The following CNTN3 variants were observed in gnomAD, a reference collection of about 807,000 sequenced individuals.
CNTN3 encodes contactin-3.
Under a neutral mutation model 119.1 loss-of-function variants are expected in CNTN3, and 60 were observed. The ratio of observed to expected loss-of-function variants is 0.50; its 90% CI spans 0.41 to 0.62. The LOEUF (loss-of-function observed/expected upper bound fraction) is 0.62. Among genes scored for constraint, CNTN3 ranks in the 20% least tolerant of loss-of-function variants. CNTN3 has a pLI of 0.00. For synonymous variants in CNTN3, 450 were observed against 438.7 expected (o/e 1.03, Z -0.32); for missense variants, 1,101 against 1,242.4 (o/e 0.89, Z 1.71).
intron 20 of CNTN3, among the ~76,000 whole-genome samples, chr3:74,277,092 G>C (rs1701897659): frequency 6.6e-6 from 1 of 152,094 alleles, no homozygotes; most frequent in African/African-American, 2.4e-5. Context: ...GGAAGAATTA[G>C]ATACCCTGAA....
chr3:74,418,718 C>T (rs1186674565), intron 5 of CNTN3, among the ~76,000 whole-genome samples: 1 of 151,960 alleles, frequency 6.6e-6, no homozygotes, highest in Non-Finnish European at 1.5e-5. Context: ...TTGACACTAC[C>T]TATACATACA....
At chr3:74,469,107 A>C (rs994730923) in intron 4 of CNTN3, among the ~76,000 whole-genome samples, 2 of 152,198 alleles carry the variant, frequency 1.3e-5, no homozygotes, top group African/African-American at 4.8e-5. Flanking sequence ...TAATCTTAGA[A>C]TCACAGAAGG....
chr3:74,388,520 T>C (rs1704814804), intron 5 of CNTN3, among the ~76,000 whole-genome samples: 1 of 152,056 alleles, frequency 6.6e-6, no homozygotes, highest in African/African-American at 2.4e-5. Flanking sequence ...GCTCTTAAAA[T>C]CCAGTAATAG....
At chr3:74,376,649 A>G (rs114563877) in intron 5 of CNTN3, among the ~76,000 whole-genome samples, 1,938 of 152,264 alleles carry the variant, frequency 0.013, 37 homozygotes, top group African/African-American at 0.041. Flanking sequence ...AAAGTACACC[A>G]TAGATAAATG....
At chr3:74,391,691 G>A (rs750669306) in intron 5 of CNTN3, among the ~76,000 whole-genome samples, 15 of 150,874 alleles carry the variant, frequency 9.9e-5, no homozygotes, top group Non-Finnish European at 1.8e-4. Flanking sequence ...CTCAGCCTCC[G>A]GAGTAGCTGG....
Position 74,468,878 on chromosome 3 carries a change from C to T in CNTN3, c.358+17578G>A, listed in dbSNP as rs543623574. ...CATTATTTTCCAAACTGAATTACATCGTTTTACAAAAATAGGTTCCAAGCC... is the reference window on the plus strand; with the variant it reads ...CATTATTTTCCAAACTGAATTACATTGTTTTACAAAAATAGGTTCCAAGCC... On this transcript the variant is annotated intron_variant, in intron 4 of 22. Transcript: ENST00000263665. Among the ~76,000 whole-genome samples, 11 of 152,090 alleles carry T rather than the reference C, an allele frequency of 7.2e-5. No individual in the cohort carries two copies. The South Asian group carries it at 2.1e-3, about 29-fold the overall frequency.
At chr3:74,565,269 G>T (rs184607057) in intron 1 of CNTN3, among the ~76,000 whole-genome samples, 20 of 152,240 alleles carry the variant, frequency 1.3e-4, no homozygotes, top group Non-Finnish European at 1.5e-5. Context: ...GGCTCTAAGG[G>T]AAAATCTGTT....
At chr3:74,501,562 C>A (rs1455982787) in intron 2 of CNTN3, among the ~76,000 whole-genome samples, 1 of 151,976 alleles carries the variant, frequency 6.6e-6, no homozygotes, top group Non-Finnish European at 1.5e-5. Context: ...GTCCTTTTAG[C>A]AAATTATCAA....
chr3:74,370,977 C>T (rs1313909325), intron 6 of CNTN3, among the ~76,000 whole-genome samples: 1 of 152,068 alleles, frequency 6.6e-6, no homozygotes, highest in Non-Finnish European at 1.5e-5. Flanking sequence ...TTACTTTGCA[C>T]TGGTCCCTGC....
intron 3 of CNTN3, among the ~76,000 whole-genome samples, chr3:74,493,183 A>T (rs1702999725): frequency 6.6e-6 from 1 of 152,120 alleles, no homozygotes; most frequent in Non-Finnish European, 1.5e-5. Context: ...AGCATATGGA[A>T]TAACAATAAT....
chr3:74,419,030 C>T (rs1365366234), intron 5 of CNTN3, among the ~76,000 whole-genome samples: 1 of 151,704 alleles, frequency 6.6e-6, no homozygotes, highest in Non-Finnish European at 1.5e-5. Context: ...CTCCTGAGTT[C>T]AGGCAATCCA....
intron 5 of CNTN3, among the ~76,000 whole-genome samples, chr3:74,392,680 C>T (rs1439128533): frequency 6.6e-6 from 1 of 152,110 alleles, no homozygotes; most frequent in Admixed American, 6.5e-5. Flanking sequence ...AATGAACACA[C>T]ACAAACATAT....
rs1280500174 is a variant in CNTN3, at chr3:74,266,668, TAC to T, written c.2818-21_2818-20del. On this transcript the variant is annotated intron_variant, in intron 21 of 22. Coordinates refer to ENST00000263665, the MANE Select transcript of CNTN3 (RefSeq NM_020872.3). ...AGAAAACCTAAAATGCATGAACAAATACACTTACTTGTTATATTGCCCATTTT... is the reference window on the plus strand; with the variant it reads ...AGAAAACCTAAAATGCATGAACAAATACTTACTTGTTATATTGCCCATTTT... 30 of 1,609,548 alleles carry T rather than the reference TAC, an allele frequency of 1.9e-5. No individual in the cohort carries two copies. The highest frequency in any genetic ancestry group is 2.4e-5 in the Non-Finnish European group (28 of 1,176,866).
rs934745341 is a variant in CNTN3, at chr3:74,601,676, G to A, written c.-81+12715C>T. On this transcript the variant is annotated intron_variant, in intron 1 of 22. Transcript: ENST00000263665. Reference sequence around the variant, plus strand: ...CACCCTTTTTTGTATTTATGCTTTCGGTCATGTGACACTGCAGTTCCTCCC... The same window carrying A: ...CACCCTTTTTTGTATTTATGCTTTCAGTCATGTGACACTGCAGTTCCTCCC... Among the ~76,000 whole-genome samples the A allele has an allele frequency of 3.0e-4, 45 of 152,036 alleles. 1 individual carries two copies. The highest frequency in any genetic ancestry group is 1.1e-3 in the Admixed American group (17 of 15,256).
Position 74,377,277 on chromosome 3 carries a change from T to G in CNTN3, c.455-5878A>C, listed in dbSNP as rs1300593049. ...AAGAGCTGCACTAACTTTTCATTTA[T>G]TGCCTCTATGACTATGTTTATATAT... is the stretch of plus-strand genomic sequence containing the variant. On this transcript the variant is annotated intron_variant, in intron 5 of 22. Transcript: ENST00000263665. 3.3e-5 allele frequency among the ~76,000 whole-genome samples: 5 copies of G among 152,228 alleles called. No individual in the cohort carries two copies. The East Asian group carries it at 5.8e-4, about 18-fold the overall frequency.
chr3:74,488,314 C>T (rs977270857), intron 3 of CNTN3, among the ~76,000 whole-genome samples: 7 of 151,878 alleles, frequency 4.6e-5, no homozygotes, highest in Non-Finnish European at 7.4e-5. Context: ...AGGGTTTCAC[C>T]GTGTTAGCCA....
intron 1 of CNTN3, among the ~76,000 whole-genome samples, chr3:74,576,748 A>G (rs779551527): frequency 2.0e-5 from 3 of 151,672 alleles, no homozygotes; most frequent in Non-Finnish European, 4.4e-5. Context: ...TTTTTTTTCT[A>G]TTTAGAAATG....
rs533165875 is a variant in CNTN3 at position 74,320,966 on chromosome 3, G to A, written c.1668+13769C>T. The stretch of plus-strand genomic sequence containing the variant: ...GTTGAATTGAAAAAAAAAAAAGAAT[G>A]AAATCATGGCTTTTGCAGCAACATG... On this transcript the variant is annotated intron_variant, in intron 13 of 22. Coordinates refer to ENST00000263665, the MANE Select transcript of CNTN3 (RefSeq NM_020872.3). Among the ~76,000 whole-genome samples the A allele has an allele frequency of 1.7e-4, 25 of 151,188 alleles. 1 individual carries two copies. Among genetic ancestry groups the A allele is most frequent in the Admixed American group, 1.6e-3 (24 of 15,180 alleles).
At chr3:74,468,522 T>C (rs1702504797) in intron 4 of CNTN3, among the ~76,000 whole-genome samples, 1 of 152,190 alleles carries the variant, frequency 6.6e-6, no homozygotes, top group East Asian at 1.9e-4. Flanking sequence ...CCCATATTGA[T>C]AGAGATGACC....
Sources: gnomAD v4.1 joint callset for allele counts (sites outside exome capture counted in the v4.1 genomes callset) on GRCh38, gnomAD v4.1.1 for gene constraint, MANE v1.5 for transcripts, NCBI Gene and HGNC (gene_info 2026-07-23, HGNC 2026-07-21) for gene names.